Variants in GRIP2 observed in about 807,000 individuals in gnomAD.
GRIP2 encodes the protein glutamate receptor-interacting protein 2.
Under a neutral mutation model 108.3 loss-of-function variants are expected in GRIP2, and 58 were observed. The ratio of observed to expected loss-of-function variants is 0.54; its 90% CI spans 0.43 to 0.67. GRIP2 has a LOEUF of 0.67. Ranked by LOEUF, GRIP2 falls within the 30% of genes least tolerant of loss-of-function variation. The pLI is 0.00. For missense variants in GRIP2, 1,278 were observed against 1,430.6 expected (o/e 0.89, Z 1.72); for synonymous variants, 586 against 598.2 (o/e 0.98, Z 0.30).
intron 21 of GRIP2, 73 bp from the exon 22 acceptor site, chr3:14,496,633 C>T: frequency 6.6e-7 from 1 of 1,521,648 alleles, no homozygotes; most frequent in African/African-American, 1.4e-5. Context: ...CCACTGACAA[C>T]TACTATGTGC....
At chr3:14,494,416 C>T (rs1403508845) in intron 23 of GRIP2, among the ~76,000 whole-genome samples, 1 of 152,238 alleles carries the variant, frequency 6.6e-6, no homozygotes, top group African/African-American at 2.4e-5. Context: ...CCCAGGCTCC[C>T]TCACAGTTAG....
At chr3:14,524,800 T>C (rs1292424195) in intron 3 of GRIP2, among the ~76,000 whole-genome samples, 1 of 152,194 alleles carries the variant, frequency 6.6e-6, no homozygotes, top group Non-Finnish European at 1.5e-5. Flanking sequence ...CAGACGAGCC[T>C]GCAGAGTGAC....
chr3:14,505,905 G>C lies in GRIP2; in HGVS notation c.2399-116C>G. 3 of 897,086 alleles carry C rather than the reference G, an allele frequency of 3.3e-6. No individual in the cohort carries two copies. The highest frequency in any genetic ancestry group is 4.8e-6 in the Non-Finnish European group (3 of 626,178). The allele number at this position is 897,086 out of a possible 1,614,324, so 55.6% of individuals were successfully genotyped here. ...GAGGTCGTTGCTCCTCTCTGGGCCT[G>C]CATCTACACAGCCCTCTGAGGGCCT... On this transcript the variant is annotated intron_variant, in intron 19 of 23. Coordinates refer to ENST00000621039, the MANE Select transcript of GRIP2 (RefSeq NM_001080423.4). This position sits in a 1 kb window ranked among gnomAD's most constrained non-coding sequence, Gnocchi z 4.2.
chr3:14,572,568 C>T, the GRIP2 span, among the ~76,000 whole-genome samples: 9 of 120,300 alleles, frequency 7.5e-5, no homozygotes, highest in Non-Finnish European at 1.1e-4. Context: ...GCCGAGATCC[C>T]GCCACTGCAC....
the GRIP2 span, among the ~76,000 whole-genome samples, chr3:14,589,257 C>T: frequency 5.3e-5 from 8 of 152,098 alleles, no homozygotes; most frequent in African/African-American, 9.7e-5. Context: ...CAATATACCT[C>T]GTGATAAAAC....
In GRIP2 at chr3:14,551,858, C is replaced by T. The variant is rs897412590; in HGVS notation, c.55+4042G>A. Among the ~76,000 whole-genome samples the T allele has an allele frequency of 2.0e-5, 3 of 152,112 alleles. 1 individual carries two copies. Among genetic ancestry groups the T allele is most frequent in the Admixed American group, 2.0e-4 (3 of 15,270 alleles). ...TTGGAAAGTAACTTTGTCTTTAAGCCTCAGTTTCCTCAACTGCAAATGGGG... is the reference window on the plus strand; with the variant it reads ...TTGGAAAGTAACTTTGTCTTTAAGCTTCAGTTTCCTCAACTGCAAATGGGG... On this transcript the variant is annotated intron_variant, in intron 1 of 23. Coordinates refer to the GRIP2 transcript ENST00000637182.
chr3:14,524,489 G>A lies in GRIP2; in HGVS notation c.307C>T (p.His103Tyr). The change falls in exon 4 of 24, where the codon CAC becomes TAC. Residue 103 changes from histidine (H) to tyrosine (Y), a missense_variant. Physicochemically the swap from His to Tyr is moderately conservative, Grantham distance 83. Transcript: ENST00000621039. ...TCATCGTGGCGGAGCCTGGTCAGGT[G>A]GATCCCGTTCACAGACCGAATATAG... ...GDYIRSVNGI[H>Y]LTRLRHDEII... 1 of 1,569,004 alleles carries A rather than the reference G, an allele frequency of 6.4e-7. No individual in the cohort carries two copies.
At chr3:14,581,611 A>G in the GRIP2 span, among the ~76,000 whole-genome samples, 1 of 152,184 alleles carries the variant, frequency 6.6e-6, no homozygotes, top group Non-Finnish European at 1.5e-5. Context: ...TTCTTTGTCC[A>G]CTGGAAGGTA....
intron 1 of GRIP2, among the ~76,000 whole-genome samples, chr3:14,539,982 T>TC (rs2124960023): frequency 6.6e-6 from 1 of 152,052 alleles, no homozygotes; most frequent in South Asian, 2.1e-4. Flanking sequence ...GGACCAGCCT[T>TC]CCCCCTACAA....
chr3:14,563,033 A>C, the GRIP2 span, among the ~76,000 whole-genome samples: 1 of 152,202 alleles, frequency 6.6e-6, no homozygotes, highest in Non-Finnish European at 1.5e-5. Context: ...AGGAGGGAAA[A>C]GGGACTGTTA....
At chr3:14,546,129 C>G (rs867160518), upstream of GRIP2, among the ~76,000 whole-genome samples, 1 of 152,162 alleles carries the variant, frequency 6.6e-6, no homozygotes, top group Non-Finnish European at 1.5e-5. Flanking sequence ...CCGTAGGGAC[C>G]TGTGGGTGGG....
the GRIP2 span, among the ~76,000 whole-genome samples, chr3:14,599,890 C>T: frequency 6.6e-6 from 1 of 152,140 alleles, no homozygotes; most frequent in Admixed American, 6.5e-5. Flanking sequence ...CACATACACA[C>T]ACAACTCAAA....
At chr3:14,550,907 C>T (rs973340042) in intron 1 of GRIP2, among the ~76,000 whole-genome samples, 2 of 152,222 alleles carry the variant, frequency 1.3e-5, no homozygotes, top group Non-Finnish European at 2.9e-5. Flanking sequence ...GGCCATGTGC[C>T]CCGCTTCGCC....
chr3:14,596,816 C>T, the GRIP2 span, among the ~76,000 whole-genome samples: 2 of 151,988 alleles, frequency 1.3e-5, no homozygotes, highest in African/African-American at 4.8e-5. Flanking sequence ...TCATGACTCA[C>T]TGCAGCTTCA....
intron 23 of GRIP2, 26 bp downstream of exon 23, chr3:14,494,817 C>G (rs767229529): frequency 7.5e-6 from 12 of 1,602,846 alleles, no homozygotes; most frequent in Non-Finnish European, 9.4e-6. Flanking sequence ...GCCACCCCCA[C>G]TATGGAGCCC....
chr3:14,504,106 G>C (rs1693849095), intron 20 of GRIP2, among the ~76,000 whole-genome samples: 1 of 152,170 alleles, frequency 6.6e-6, no homozygotes, highest in African/African-American at 2.4e-5. Flanking sequence ...CAGATGGATG[G>C]AGAGGATGAA....
chr3:14,496,592 T>C lies in GRIP2; in HGVS notation c.2680-32A>G, dbSNP rs773241580. The C allele has an allele frequency of 1.1e-5, 17 of 1,579,808 alleles. No individual in the cohort carries two copies. The South Asian group carries it at 1.1e-4, about 11-fold the overall frequency. ...GGAACACGGCCTTTCTTTCAGATGCTTGTTGGCTTGCCCCATCAGGCAGTC... is the reference window on the plus strand; with the variant it reads ...GGAACACGGCCTTTCTTTCAGATGCCTGTTGGCTTGCCCCATCAGGCAGTC... On this transcript the variant is annotated intron_variant, in intron 21 of 23. Coordinates refer to ENST00000621039, the MANE Select transcript of GRIP2 (RefSeq NM_001080423.4).
At chr3:14,587,382 T>C in the GRIP2 span, among the ~76,000 whole-genome samples, 1 of 152,018 alleles carries the variant, frequency 6.6e-6, no homozygotes, top group Admixed American at 6.6e-5. Context: ...AGGCAAAACT[T>C]TTCTCTTTTA....
intron 1 of GRIP2, among the ~76,000 whole-genome samples, chr3:14,528,967 C>T (rs1209863165): frequency 1.3e-5 from 2 of 152,010 alleles, no homozygotes; most frequent in East Asian, 1.9e-4. Flanking sequence ...CTGTGTCGCA[C>T]TAAAGTTTGA....
Sources: allele counts gnomAD v4.1 joint callset (sites outside exome capture counted in the v4.1 genomes callset), GRCh38; gene constraint gnomAD v4.1.1; non-coding constraint Gnocchi (gnomAD v3.1); transcripts MANE v1.5; gene names NCBI Gene and HGNC (gene_info 2026-07-23, HGNC 2026-07-21).